The following NEK1 variants were observed in gnomAD, a reference collection of about 807,000 sequenced individuals.
NEK1 encodes the protein serine/threonine-protein kinase Nek1.
Under a neutral mutation model 182.1 loss-of-function variants are expected in NEK1, and 137 were observed. The observed-to-expected ratio is 0.75, with a 90% CI of 0.65 to 0.87. NEK1 has a LOEUF of 0.87. Ranked by LOEUF, NEK1 falls within the 40% of genes least tolerant of loss-of-function variation. NEK1 has a pLI of 0.00. For missense variants in NEK1, 1,391 were observed against 1,494.4 expected (o/e 0.93, Z 1.14); for synonymous variants, 513 against 492.2 (o/e 1.04, Z -0.56).
rs571404488 is a variant in NEK1, at chr4:169,548,968, G to A, written c.1562+6752C>T. On this transcript the variant is annotated intron_variant, in intron 18 of 35. Transcript: ENST00000507142. ...TGCCTGGCCTCAGCCCCCTTTCTAG[G>A]GGAGTGAACAGTTATGTCTCACTGG... Among the ~76,000 whole-genome samples, 292 of 152,300 alleles carry A rather than the reference G, an allele frequency of 1.9e-3. 2 individuals carry two copies. Among genetic ancestry groups the A allele is most frequent in the Non-Finnish European group, 3.2e-3 (221 of 68,028 alleles).
chr4:169,395,352 A>G (rs1730507187), intron 35 of NEK1, among the ~76,000 whole-genome samples: 1 of 152,130 alleles, frequency 6.6e-6, no homozygotes, highest in Non-Finnish European at 1.5e-5. Context: ...TTCTCATCTT[A>G]CCAAATTTCA....
intron 23 of NEK1, among the ~76,000 whole-genome samples, chr4:169,498,798 T>C (rs1751859549): frequency 6.6e-6 from 1 of 152,346 alleles, no homozygotes. Flanking sequence ...GGGCTTCCGT[T>C]TGTAGGTAAC....
intron 23 of NEK1, among the ~76,000 whole-genome samples, chr4:169,493,588 A>G (rs549791925): frequency 6.6e-6 from 1 of 152,224 alleles, no homozygotes; most frequent in African/African-American, 2.4e-5. Flanking sequence ...TGATATTAAC[A>G]AAGAACCAAA....
chr4:169,545,303 G>A (rs547533078), intron 18 of NEK1, among the ~76,000 whole-genome samples: 56 of 149,704 alleles, frequency 3.7e-4, no homozygotes, highest in Non-Finnish European at 7.4e-4. Flanking sequence ...AATATGCAGT[G>A]TTTGGTTTTT....
At chr4:169,492,325 G>C (rs1460095750) in intron 23 of NEK1, among the ~76,000 whole-genome samples, 1 of 152,222 alleles carries the variant, frequency 6.6e-6, no homozygotes, top group East Asian at 1.9e-4. Flanking sequence ...AGAGGGAACA[G>C]AGCCAGGACC....
intron 2 of NEK1, among the ~76,000 whole-genome samples, chr4:169,608,477 A>G (rs2150163354): frequency 6.6e-6 from 1 of 152,344 alleles, no homozygotes; most frequent in South Asian, 2.1e-4. Flanking sequence ...TAAAAGCATA[A>G]TAGTAATAAA....
chr4:169,458,210 A>G (rs1045896750), intron 27 of NEK1, among the ~76,000 whole-genome samples: 3 of 152,188 alleles, frequency 2.0e-5, no homozygotes, highest in African/African-American at 4.8e-5. Flanking sequence ...ACAGGAAAAA[A>G]GTTGAATGGA....
rs146752311 is a variant in NEK1, at chr4:169,476,987, C to T, written c.2434+137G>A. 47 of 578,896 alleles carry T rather than the reference C, an allele frequency of 8.1e-5. 1 individual carries two copies. Among genetic ancestry groups the T allele is most frequent in the East Asian group, 7.9e-4 (27 of 34,340 alleles). The allele number at this position is 578,896 out of a possible 1,614,324, so 35.9% of individuals were successfully genotyped here. A position where few individuals can be genotyped will look rare whatever the true frequency, so the allele number is the denominator to read the frequency against. On this transcript the variant is annotated intron_variant, in intron 26 of 35. Transcript: ENST00000507142. ...ACTGTGAGAGGGAGGCACTTCTATT[C>T]GCCCAAAAGGAAAATATATAGAATT...
chr4:169,397,355 T>C lies in NEK1; in HGVS notation c.3848-2832A>G, dbSNP rs926292130. On this transcript the variant is annotated intron_variant, in intron 35 of 35. Transcript: ENST00000507142. ...AATCAATGAATATGAAATCTATATC[T>C]AGTCATTTCATTTAACTCTCATGAT... Among the ~76,000 whole-genome samples the C allele has an allele frequency of 3.3e-5, 5 of 152,318 alleles. No individual in the cohort carries two copies. The East Asian group carries it at 9.6e-4, about 29-fold the overall frequency.
intron 35 of NEK1, among the ~76,000 whole-genome samples, chr4:169,396,372 A>AAAAAAC (rs1730709859): frequency 8.1e-6 from 1 of 123,128 alleles, no homozygotes; most frequent in Admixed American, 7.9e-5. Flanking sequence ...TCTCAAAAAA[A>AAAAAAC]AAAAAAAAAA....
At chr4:169,397,367 T>C (rs1374096563) in intron 35 of NEK1, among the ~76,000 whole-genome samples, 1 of 152,222 alleles carries the variant, frequency 6.6e-6, no homozygotes, top group African/African-American at 2.4e-5. Flanking sequence ...GTCATTTCAT[T>C]TAACTCTCAT....
chr4:169,491,423 A>G (rs1750073155), intron 23 of NEK1, among the ~76,000 whole-genome samples: 1 of 152,210 alleles, frequency 6.6e-6, no homozygotes, highest in South Asian at 2.1e-4. Context: ...ATTTCTCAGC[A>G]GAAATCTTGC....
intron 5 of NEK1, among the ~76,000 whole-genome samples, chr4:169,595,008 C>A (rs1481682097): frequency 1.3e-5 from 2 of 151,982 alleles, no homozygotes; most frequent in African/African-American, 4.8e-5. Context: ...ATCAAATAGG[C>A]CTTTGCTGCT....
At chr4:169,530,843 A>G (rs1433105412) in intron 19 of NEK1, among the ~76,000 whole-genome samples, 3 of 150,718 alleles carry the variant, frequency 2.0e-5, no homozygotes, top group African/African-American at 4.9e-5. Context: ...AAAAAAGTCT[A>G]TATCACTATA....
chr4:169,513,953 A>G (rs1347343389), intron 19 of NEK1, among the ~76,000 whole-genome samples: 8 of 147,878 alleles, frequency 5.4e-5, no homozygotes, highest in Non-Finnish European at 1.0e-4. Flanking sequence ...CTAAAATTTT[A>G]TTGAGGATTT....
chr4:169,611,230 A>T (rs1346829335), intron 2 of NEK1, among the ~76,000 whole-genome samples: 2 of 152,238 alleles, frequency 1.3e-5, no homozygotes, highest in African/African-American at 2.4e-5. Flanking sequence ...GTCAAGTCCG[A>T]CGACCTTTAT....
chr4:169,438,435 T>C (rs974640156), intron 27 of NEK1, among the ~76,000 whole-genome samples, 176 bp from the exon 28 acceptor site: 2 of 152,268 alleles, frequency 1.3e-5, no homozygotes, highest in Admixed American at 1.3e-4. Flanking sequence ...TCAAATTTCA[T>C]TTCAATTGTA....
At chr4:169,606,295 C>G (rs1197082912) in intron 2 of NEK1, among the ~76,000 whole-genome samples, 1 of 149,424 alleles carries the variant, frequency 6.7e-6, no homozygotes, top group Non-Finnish European at 1.5e-5. Flanking sequence ...TACTACTTGT[C>G]CAAACCTGAG....
intron 12 of NEK1, among the ~76,000 whole-genome samples, chr4:169,576,375 T>G (rs1272498834): frequency 6.6e-6 from 1 of 152,246 alleles, no homozygotes; most frequent in Non-Finnish European, 1.5e-5. Context: ...TGTATGTGTA[T>G]GTAATCCAAA....
Sources: gnomAD v4.1 joint callset for allele counts (sites outside exome capture counted in the v4.1 genomes callset) on GRCh38, gnomAD v4.1.1 for gene constraint, MANE v1.5 for transcripts, NCBI Gene and HGNC (gene_info 2026-07-23, HGNC 2026-07-21) for gene names.